CNTN5: variants seen among roughly 807,000 people sequenced by gnomAD.
CNTN5 encodes the protein contactin 5, also known as contactin-5.
CNTN5 carries 77 observed loss-of-function variants against 129.1 expected under a neutral mutation model. That is an observed-to-expected ratio of 0.60 (90% CI 0.50 to 0.72). CNTN5 has a LOEUF of 0.72. Ranked by LOEUF, CNTN5 falls within the 30% of genes least tolerant of loss-of-function variation. CNTN5 has a pLI of 0.00. For missense variants in CNTN5, 1,478 were observed against 1,328.8 expected, an observed-to-expected ratio of 1.11 and a Z score of -1.75; for synonymous variants, 509 against 465.6, an observed-to-expected ratio of 1.09 and a Z score of -1.20.
chr11:99,453,147 T>C (rs1393150391), intron 2 of CNTN5, among the ~76,000 whole-genome samples: 2 of 152,190 alleles, frequency 1.3e-5, no homozygotes, highest in Non-Finnish European at 2.9e-5. Context: ...ACTCTAGATA[T>C]AGTAAATATA....
At chr11:99,156,801 G>A (rs1860356827) in intron 1 of CNTN5, among the ~76,000 whole-genome samples, 1 of 151,892 alleles carries the variant, frequency 6.6e-6, no homozygotes, top group African/African-American at 2.4e-5. Context: ...ACCATCAAAA[G>A]TGATGTGGAT....
intron 4 of CNTN5, among the ~76,000 whole-genome samples, chr11:99,834,469 T>C (rs1341936028): frequency 5.9e-5 from 9 of 152,148 alleles, no homozygotes; most frequent in African/African-American, 2.2e-4. Context: ...GCGGCTGCAG[T>C]GAGCCATGAT....
At chr11:99,683,857 G>A (rs583387) in intron 3 of CNTN5, among the ~76,000 whole-genome samples, 52,307 of 150,850 alleles carry the variant, frequency 0.35, 9,986 homozygotes, top group Middle Eastern at 0.47. Flanking sequence ...TATGGTGTAC[G>A]TGATGTTTTG....
At chr11:99,960,079 A>G (rs1950902536) in intron 8 of CNTN5, among the ~76,000 whole-genome samples, 1 of 152,198 alleles carries the variant, frequency 6.6e-6, no homozygotes, top group Non-Finnish European at 1.5e-5. Flanking sequence ...TTGTTGTTCC[A>G]TAAGGTTCTC....
At chr11:99,678,445 C>T (rs531333637) in intron 3 of CNTN5, among the ~76,000 whole-genome samples, 26 of 152,188 alleles carry the variant, frequency 1.7e-4, no homozygotes, top group East Asian at 1.2e-3. Context: ...TAAATCTCTC[C>T]ACTAATTATT....
intron 8 of CNTN5, among the ~76,000 whole-genome samples, chr11:99,996,375 A>C (rs1232920173): frequency 1.3e-5 from 2 of 152,154 alleles, no homozygotes; most frequent in Non-Finnish European, 1.5e-5. Flanking sequence ...AAACAGATTA[A>C]AGTCTAAATG....
intron 2 of CNTN5, among the ~76,000 whole-genome samples, chr11:99,363,547 A>T (rs1321671096): frequency 1.3e-5 from 2 of 152,120 alleles, no homozygotes; most frequent in Non-Finnish European, 2.9e-5. Context: ...ATGATGAAGG[A>T]CAAAACTGTT....
intron 3 of CNTN5, among the ~76,000 whole-genome samples, chr11:99,721,506 G>A (rs1020014528): frequency 6.6e-6 from 1 of 152,080 alleles, no homozygotes; most frequent in African/African-American, 2.4e-5. Context: ...AGACTTAAAT[G>A]TAAAACCCCA....
intron 1 of CNTN5, among the ~76,000 whole-genome samples, chr11:99,125,663 C>T (rs980009164): frequency 1.3e-5 from 2 of 152,098 alleles, no homozygotes; most frequent in African/African-American, 2.4e-5. Context: ...GAAAGCCAAA[C>T]TACATTATTT....
intron 3 of CNTN5, among the ~76,000 whole-genome samples, chr11:99,667,219 T>C (rs1952828653): frequency 6.6e-6 from 1 of 152,110 alleles, no homozygotes; most frequent in African/African-American, 2.4e-5. Flanking sequence ...AACTTTATTT[T>C]AAATATTTTA....
intron 7 of CNTN5, among the ~76,000 whole-genome samples, chr11:99,923,749 A>ATCTG (rs369958644): frequency 0.073 from 10,605 of 144,810 alleles, 426 homozygotes; most frequent in African/African-American, 0.093. Context: ...TATCTAATCT[A>ATCTG]TCTGTCTGTC....
chr11:99,508,762 A>G (rs1258369478), intron 2 of CNTN5, among the ~76,000 whole-genome samples: 1 of 151,504 alleles, frequency 6.6e-6, no homozygotes, highest in Non-Finnish European at 1.5e-5. Context: ...GCTCACTGTA[A>G]CTTCCTCCTC....
At chr11:99,911,687 G>T (rs1296183498) in intron 6 of CNTN5, among the ~76,000 whole-genome samples, 1 of 151,048 alleles carries the variant, frequency 6.6e-6, no homozygotes, top group African/African-American at 2.4e-5. Context: ...AGGTGTTTGT[G>T]TGTGGGTACA....
At chr11:99,465,266 T>C (rs1944886915) in intron 2 of CNTN5, among the ~76,000 whole-genome samples, 1 of 152,184 alleles carries the variant, frequency 6.6e-6, no homozygotes, top group South Asian at 2.1e-4. Flanking sequence ...CCCCACAGCT[T>C]CCTTTCGTTG....
intron 3 of CNTN5, among the ~76,000 whole-genome samples, chr11:99,737,686 A>G (rs992699870): frequency 7.2e-5 from 11 of 152,170 alleles, no homozygotes; most frequent in Admixed American, 3.9e-4. Flanking sequence ...TCTATTTAAA[A>G]TTGGTGTAAT....
rs563361483 is a variant in CNTN5, at chr11:99,330,475, T to C, written c.-71+4991T>C. Among the ~76,000 whole-genome samples, 11 of 152,300 alleles carry C rather than the reference T, an allele frequency of 7.2e-5. 1 individual carries two copies. The South Asian group carries it at 2.3e-3, about 32-fold the overall frequency. Reference sequence around the variant, plus strand: ...CATAATGGAAATAATGATTGCGTAGTATTGTGCTGGATTTTGGGTTAGTAC... The same window carrying C: ...CATAATGGAAATAATGATTGCGTAGCATTGTGCTGGATTTTGGGTTAGTAC... On this transcript the variant is annotated intron_variant, in intron 2 of 24. Coordinates refer to ENST00000524871, the MANE Select transcript of CNTN5 (RefSeq NM_014361.4).
rs77016360 is a variant in CNTN5, at chr11:99,635,320, G to A, written c.55+79051G>A. ...CAGTTTAGCTATTTTTTGCTTATGC[G>A]AGTCAGTTAAATTCTTTGAGGCCCA... On this transcript the variant is annotated intron_variant, in intron 3 of 24. Transcript: ENST00000524871. Among the ~76,000 whole-genome samples the A allele has an allele frequency of 8.0e-3, 1,220 of 152,208 alleles. 15 individuals are homozygous for A. Among genetic ancestry groups the A allele is most frequent in the African/African-American group, 0.027 (1,132 of 41,530 alleles).
chr11:99,734,826 G>A (rs538223252), intron 3 of CNTN5, among the ~76,000 whole-genome samples: 2 of 151,934 alleles, frequency 1.3e-5, no homozygotes, highest in Admixed American at 1.3e-4. Context: ...GGGTAACCCC[G>A]TGAAACCCCG....
chr11:99,586,073 A>C (rs2135643371), intron 3 of CNTN5, among the ~76,000 whole-genome samples: 1 of 152,014 alleles, frequency 6.6e-6, no homozygotes, highest in South Asian at 2.1e-4. Context: ...CATGTATTTC[A>C]TTCATTTAAT....
Sources: gnomAD v4.1 joint callset for allele counts (sites outside exome capture counted in the v4.1 genomes callset) on GRCh38, gnomAD v4.1.1 for gene constraint, MANE v1.5 for transcripts, NCBI Gene and HGNC (gene_info 2026-07-23, HGNC 2026-07-21) for gene names.